The following PRKD1 variants were observed in gnomAD, a reference collection of about 807,000 sequenced individuals.
PRKD1 encodes serine/threonine-protein kinase D1.
A neutral mutation model predicts 95.9 loss-of-function variants in PRKD1; 63 were observed. The ratio of observed to expected loss-of-function variants is 0.66; its 90% CI spans 0.54 to 0.81. The LOEUF (loss-of-function observed/expected upper bound fraction) is 0.81, where lower values mean the gene tolerates loss of function less well. Among genes scored for constraint, PRKD1 ranks in the 30% least tolerant of loss-of-function variants. The pLI, the probability that PRKD1 is intolerant of heterozygous loss-of-function variation, is 0.00. For synonymous variants in PRKD1, 425 were observed against 423.1 expected, an observed-to-expected ratio of 1.00 and a Z score of -0.05; for missense variants, 1,048 against 1,165.3, an observed-to-expected ratio of 0.90 and a Z score of 1.47.
At chr14:29,750,374 G>T (rs1555341306) in intron 1 of PRKD1, among the ~76,000 whole-genome samples, 1 of 151,848 alleles carries the variant, frequency 6.6e-6, no homozygotes, top group Non-Finnish European at 1.5e-5. Flanking sequence ...GCATATTTCT[G>T]GTTACAAAAA....
intron 1 of PRKD1, among the ~76,000 whole-genome samples, chr14:29,803,004 A>T (rs1890096646): frequency 6.6e-6 from 1 of 152,258 alleles, no homozygotes; most frequent in Admixed American, 6.5e-5. Flanking sequence ...AAATCTGAGA[A>T]CCAGAAACTG....
chr14:29,920,003 A>G (rs1163083060), intron 1 of PRKD1, among the ~76,000 whole-genome samples: 2 of 136,722 alleles, frequency 1.5e-5, no homozygotes, highest in African/African-American at 2.8e-5. Flanking sequence ...GAAGGAAGGT[A>G]GGAAGGAAGG....
At chr14:29,744,043 C>T (rs1162530881) in intron 1 of PRKD1, among the ~76,000 whole-genome samples, 1 of 152,108 alleles carries the variant, frequency 6.6e-6, no homozygotes, top group South Asian at 2.1e-4. Context: ...TATCATCACG[C>T]TCTTAAAGGA....
At chr14:29,884,224 C>A (rs983143395) in intron 1 of PRKD1, among the ~76,000 whole-genome samples, 2 of 152,072 alleles carry the variant, frequency 1.3e-5, no homozygotes, top group Non-Finnish European at 2.9e-5. Context: ...AATTTGTATA[C>A]AATTTTTACT....
At chr14:29,803,675 T>C (rs1026524033) in intron 1 of PRKD1, among the ~76,000 whole-genome samples, 7 of 152,190 alleles carry the variant, frequency 4.6e-5, no homozygotes, top group African/African-American at 1.7e-4. Context: ...GTGAGGGATG[T>C]GGAAAGGTTG....
chr14:29,712,417 G>C (rs764193509), intron 2 of PRKD1, among the ~76,000 whole-genome samples: 74 of 152,052 alleles, frequency 4.9e-4, no homozygotes, highest in Non-Finnish European at 8.1e-4. Context: ...TGAGACCCAG[G>C]GTTAGCCAGA....
At chr14:29,598,122 A>C (rs1364846826) in intron 15 of PRKD1, among the ~76,000 whole-genome samples, 1 of 151,850 alleles carries the variant, frequency 6.6e-6, no homozygotes, top group Non-Finnish European at 1.5e-5. Context: ...CAAAAAATTA[A>C]AAAATTAGCC....
chr14:29,609,718 T>TA (rs1232479022), intron 13 of PRKD1, among the ~76,000 whole-genome samples: 126 of 123,764 alleles, frequency 1.0e-3, no homozygotes, highest in South Asian at 2.2e-3. Context: ...TTCTTTATTT[T>TA]TTTTTTTTTT....
chr14:29,758,191 G>GA lies in PRKD1; in HGVS notation c.265-32518dup, dbSNP rs35844516. On this transcript the variant is annotated intron_variant, in intron 1 of 17. Coordinates refer to ENST00000331968, the MANE Select transcript of PRKD1 (RefSeq NM_002742.3). The stretch of plus-strand genomic sequence containing the variant: ...GAGATTAAAGCATGGAAGAGAGAAA[G>GA]AAAAAAAAAAAAGCTACTTCAATGA... 6.3e-3 allele frequency among the ~76,000 whole-genome samples: 858 copies of GA among 135,980 alleles called. 10 individuals are homozygous for GA. The highest frequency in any genetic ancestry group is 0.018 in the African/African-American group (678 of 37,570). 89.2% of individuals were successfully genotyped at this position (135,980 alleles called of 152,430 possible).
intron 1 of PRKD1, among the ~76,000 whole-genome samples, chr14:29,896,365 T>TATAC (rs1555354751): frequency 9.5e-5 from 14 of 147,946 alleles, no homozygotes; most frequent in African/African-American, 3.6e-4. Context: ...CATGTGTGTG[T>TATAC]ACACACACAC....
chr14:29,806,860 T>C (rs1890257141), intron 1 of PRKD1, among the ~76,000 whole-genome samples: 1 of 152,104 alleles, frequency 6.6e-6, no homozygotes, highest in African/African-American at 2.4e-5. Flanking sequence ...CAGGAATACA[T>C]TGAACATGTT....
At chr14:29,816,562 T>C (rs1168030815) in intron 1 of PRKD1, among the ~76,000 whole-genome samples, 3 of 152,238 alleles carry the variant, frequency 2.0e-5, no homozygotes, top group African/African-American at 4.8e-5. Context: ...TCATATGAAG[T>C]CCAACATATG....
At chr14:29,747,488 T>C (rs546942731) in intron 1 of PRKD1, among the ~76,000 whole-genome samples, 1 of 152,108 alleles carries the variant, frequency 6.6e-6, no homozygotes, top group South Asian at 2.1e-4. Context: ...CAAAAACAAA[T>C]ACTGCACACA....
intron 2 of PRKD1, among the ~76,000 whole-genome samples, chr14:29,680,194 T>TA (rs1883461340): frequency 6.6e-6 from 1 of 152,134 alleles, no homozygotes; most frequent in Admixed American, 6.5e-5. Context: ...GTATCACCCA[T>TA]GTAAAAGAGC....
chr14:29,696,950 T>C (rs1047929682), intron 2 of PRKD1, among the ~76,000 whole-genome samples: 9 of 152,106 alleles, frequency 5.9e-5, no homozygotes, highest in Non-Finnish European at 8.8e-5. Flanking sequence ...CTACTTCACA[T>C]AGTGACAACC....
chr14:29,754,294 G>A (rs7161139), intron 1 of PRKD1, among the ~76,000 whole-genome samples: 33,895 of 151,964 alleles, frequency 0.22, 3,981 homozygotes, highest in African/African-American at 0.27. Flanking sequence ...ATGCTTATTA[G>A]TGTTGTCCAC....
chr14:29,904,961 C>T (rs142138913), intron 1 of PRKD1, among the ~76,000 whole-genome samples: 4 of 152,254 alleles, frequency 2.6e-5, no homozygotes, highest in Admixed American at 1.3e-4. Context: ...GTGGGGAATA[C>T]GTGGTCACTT....
chr14:29,687,891 T>G (rs913591177), intron 2 of PRKD1, among the ~76,000 whole-genome samples: 1 of 152,180 alleles, frequency 6.6e-6, no homozygotes, highest in Non-Finnish European at 1.5e-5. Context: ...CAAGACCAAT[T>G]CATATCCATA....
intron 4 of PRKD1, among the ~76,000 whole-genome samples, chr14:29,640,756 A>C (rs1194143044): frequency 6.6e-6 from 1 of 152,226 alleles, no homozygotes; most frequent in Non-Finnish European, 1.5e-5. Context: ...TTTAACACTC[A>C]GAATAAAAGA....
Sources: allele counts gnomAD v4.1 joint callset (sites outside exome capture counted in the v4.1 genomes callset), GRCh38; gene constraint gnomAD v4.1.1; transcripts MANE v1.5; gene names NCBI Gene and HGNC (gene_info 2026-07-23, HGNC 2026-07-21).